Variants in DPP6 observed in about 807,000 individuals in gnomAD.
DPP6 encodes A-type potassium channel modulatory protein DPP6.
Under a neutral mutation model 122.6 loss-of-function variants are expected in DPP6, and 69 were observed. That is an observed-to-expected ratio of 0.56 (90% CI 0.46 to 0.69). DPP6 has a LOEUF of 0.69. Among genes scored for constraint, DPP6 ranks in the 30% least tolerant of loss-of-function variants. The pLI, the probability that DPP6 is intolerant of heterozygous loss-of-function variation, is 0.00. For synonymous variants in DPP6, 418 were observed against 433.1 expected (o/e 0.97, Z 0.43); for missense variants, 928 against 1,116.9 (o/e 0.83, Z 2.41).
the DPP6 span, among the ~76,000 whole-genome samples, chr7:153,853,839 CTTTAG>C: frequency 6.6e-6 from 1 of 151,570 alleles, no homozygotes; most frequent in Admixed American, 6.6e-5. Flanking sequence ...TGCAGAAGCT[CTTTAG>C]TTTAATTAGA....
chr7:154,502,816 A>G (rs1006466458), intron 3 of DPP6, among the ~76,000 whole-genome samples: 2 of 152,154 alleles, frequency 1.3e-5, no homozygotes, highest in Non-Finnish European at 2.9e-5. Context: ...GTTTTCATGG[A>G]GGGAAAAGTT....
intron 7 of DPP6, among the ~76,000 whole-genome samples, chr7:154,716,354 T>C (rs1161085492): frequency 6.6e-6 from 1 of 152,142 alleles, no homozygotes; most frequent in Non-Finnish European, 1.5e-5. Flanking sequence ...CCTGCATCCC[T>C]ACCCACTTAC....
intron 1 of DPP6, among the ~76,000 whole-genome samples, chr7:154,199,897 C>T (rs1799080172): frequency 6.6e-6 from 1 of 152,146 alleles, no homozygotes; most frequent in Admixed American, 6.5e-5. Context: ...CGTGAGCCAC[C>T]ATGCCCTGCT....
At chr7:154,667,233 G>T (rs1346845481) in intron 6 of DPP6, among the ~76,000 whole-genome samples, 1 of 151,592 alleles carries the variant, frequency 6.6e-6, no homozygotes, top group Non-Finnish European at 1.5e-5. Flanking sequence ...TTAGCCATGT[G>T]TTGTAAATAC....
In DPP6 at chr7:154,886,309, T is replaced by C. The variant is rs148000665; in HGVS notation, c.2245+565T>C. Among the ~76,000 whole-genome samples, 80 of 152,336 alleles carry C rather than the reference T, an allele frequency of 5.3e-4. 1 individual carries two copies. The highest frequency in any genetic ancestry group is 8.7e-4 in the Non-Finnish European group (59 of 68,024). On this transcript the variant is annotated intron_variant, in intron 22 of 25. Coordinates refer to ENST00000377770, the MANE Select transcript of DPP6 (RefSeq NM_130797.4). ...GGTCAGCACCTGTCCTCAGAGAGTA[T>C]GGCTCTCCATGAGCACAAGGCAGAG...
intron 1 of DPP6, among the ~76,000 whole-genome samples, chr7:154,143,103 G>A (rs1795925181): frequency 6.7e-6 from 1 of 148,432 alleles, no homozygotes; most frequent in Admixed American, 6.7e-5. Flanking sequence ...TCTAATATCA[G>A]TAGGTTTTTA....
intron 12 of DPP6, 119 bp downstream of exon 12, chr7:154,796,002 A>G: frequency 7.0e-7 from 1 of 1,429,154 alleles, no homozygotes; most frequent in Non-Finnish European, 9.2e-7. Flanking sequence ...AGGGCTCCCC[A>G]GGCAGAAACA....
At chr7:154,001,806 G>A (rs1001961841) in intron 1 of DPP6, among the ~76,000 whole-genome samples, 4 of 152,040 alleles carry the variant, frequency 2.6e-5, no homozygotes, top group Non-Finnish European at 5.9e-5. Flanking sequence ...GATGCAATGA[G>A]GGAAGGCAAT....
intron 1 of DPP6, among the ~76,000 whole-genome samples, chr7:154,202,956 C>T (rs1563312404): frequency 6.6e-6 from 1 of 152,116 alleles, no homozygotes; most frequent in Non-Finnish European, 1.5e-5. Flanking sequence ...GATGGGGACA[C>T]AGGCCAGGGT....
chr7:154,609,243 A>G (rs1833762215), intron 5 of DPP6, among the ~76,000 whole-genome samples: 1 of 152,188 alleles, frequency 6.6e-6, no homozygotes, highest in Admixed American at 6.5e-5. Flanking sequence ...TGTTAACTTA[A>G]AACAGCATGT....
chr7:154,376,855 G>C (rs528208815), intron 1 of DPP6, among the ~76,000 whole-genome samples: 1 of 152,242 alleles, frequency 6.6e-6, no homozygotes. Context: ...AATTTTTCTC[G>C]TCTAATAAGA....
Position 154,086,284 on chromosome 7 carries a change from A to G in DPP6, c.243+33221A>G, listed in dbSNP as rs1417415799. On this transcript the variant is annotated intron_variant, in intron 1 of 25. Transcript: ENST00000377770. ...GAGAAACTTTCTAGACACAGGAGCC[A>G]TAGCACTGTAACTAAAGAAGGAGGA... 8.1e-5 allele frequency among the ~76,000 whole-genome samples: 12 copies of G among 148,370 alleles called. No homozygotes were observed. The South Asian group carries it at 8.8e-4, about 11-fold the overall frequency.
intron 1 of DPP6, among the ~76,000 whole-genome samples, chr7:154,118,748 ACT>A (rs1807191274): frequency 2.8e-5 from 4 of 143,484 alleles, no homozygotes; most frequent in African/African-American, 1.0e-4. Flanking sequence ...AGAAGGCAAA[ACT>A]CTTCCACACA....
intron 8 of DPP6, among the ~76,000 whole-genome samples, chr7:154,728,791 C>T (rs1257587567): frequency 2.0e-5 from 3 of 152,216 alleles, no homozygotes; most frequent in South Asian, 4.1e-4. Context: ...CTTATGTCCT[C>T]ACCTGGCAGA....
chr7:154,587,590 G>A, intron 5 of DPP6: 1 of 1,497,052 alleles, frequency 6.7e-7, no homozygotes, highest in Non-Finnish European at 8.9e-7. Flanking sequence ...ATAGCATCCT[G>A]GGACCATAGA....
intron 16 of DPP6, among the ~76,000 whole-genome samples, chr7:154,841,318 C>CCAAGCAGGCTT (rs10670710): frequency 4.7e-5 from 7 of 149,970 alleles, no homozygotes; most frequent in African/African-American, 1.7e-4. Flanking sequence ...CTTTGCCCCT[C>CCAAGCAGGCTT]TGCAGGCTTT....
At chr7:153,926,270 TTG>T (rs1309559120) in intron 1 of DPP6, among the ~76,000 whole-genome samples, 9 of 152,344 alleles carry the variant, frequency 5.9e-5, no homozygotes, top group Admixed American at 5.2e-4. Flanking sequence ...GAAGTTTAAA[TTG>T]TCTCATTAAT....
intron 1 of DPP6, among the ~76,000 whole-genome samples, chr7:154,433,400 C>A (rs1265673528): frequency 6.6e-6 from 1 of 151,634 alleles, no homozygotes; most frequent in Non-Finnish European, 1.5e-5. Flanking sequence ...AACTCCTGAC[C>A]TCAGGTGATC....
intron 1 of DPP6, among the ~76,000 whole-genome samples, chr7:154,141,370 C>T (rs1226059648): frequency 6.6e-6 from 1 of 152,122 alleles, no homozygotes; most frequent in Non-Finnish European, 1.5e-5. Context: ...CATCACTGCA[C>T]AGGTGGAGGC....
Sources: allele counts gnomAD v4.1 joint callset (sites outside exome capture counted in the v4.1 genomes callset), GRCh38; gene constraint gnomAD v4.1.1; transcripts MANE v1.5; gene names NCBI Gene and HGNC (gene_info 2026-07-23, HGNC 2026-07-21).